DAZAP1: variants seen among roughly 807,000 people sequenced by gnomAD.
DAZAP1 encodes DAZ-associated protein 1.
DAZAP1 carries 6 observed loss-of-function variants against 60.1 expected under a neutral mutation model. The observed-to-expected ratio is 0.10, with a 90% CI of 0.05 to 0.20. The LOEUF is 0.20. DAZAP1 is among the 10% of genes least tolerant of loss of function. The pLI is 1.00. For synonymous variants in DAZAP1, 235 were observed against 215.9 expected (o/e 1.09, Z -0.78); for missense variants, 366 against 560.4 (o/e 0.65, Z 3.50).
Position 1,432,867 on chromosome 19 carries a change from A to G in DAZAP1, c.1048+177A>G, listed in dbSNP as rs961669970. The G allele has an allele frequency of 3.1e-6, 2 of 652,328 alleles. No homozygotes were observed. 40.4% of individuals were successfully genotyped at this position (652,328 alleles called of 1,614,324 possible). ...AGAGATCTCGTGGCAACTCGGGTCCAGCAGAAGGGAGCGTGGGAGTCTTGT... is the reference window on the plus strand; with the variant it reads ...AGAGATCTCGTGGCAACTCGGGTCCGGCAGAAGGGAGCGTGGGAGTCTTGT... On this transcript the variant is annotated intron_variant, in intron 11 of 11. Transcript: ENST00000233078. The surrounding 1 kb of genome is among the most constrained non-coding windows in gnomAD (Gnocchi z 4.9).
In DAZAP1 at chr19:1,432,858, C is replaced by T; in HGVS notation, c.1048+168C>T. 1 of 721,822 alleles carries T rather than the reference C, an allele frequency of 1.4e-6. No individual in the cohort carries two copies. 44.7% of individuals were successfully genotyped at this position (721,822 alleles called of 1,614,324 possible). The stretch of plus-strand genomic sequence containing the variant: ...GGTTGTTGGAGAGATCTCGTGGCAA[C>T]TCGGGTCCAGCAGAAGGGAGCGTGG... On this transcript the variant is annotated intron_variant, in intron 11 of 11. Transcript: ENST00000233078. The surrounding 1 kb of genome is among the most constrained non-coding windows in gnomAD (Gnocchi z 4.9).
Position 1,432,979 on chromosome 19 carries a change from C to T in DAZAP1, c.1048+289C>T, listed in dbSNP as rs148944906. ...GGCGACTGGGTCGAGGGAAGTGAGT[C>T]GCAGGCAGCTGTGATCACTGTCTAG... On this transcript the variant is annotated intron_variant, in intron 11 of 11. Transcript: ENST00000233078. This position sits in a 1 kb window ranked among gnomAD's most constrained non-coding sequence, Gnocchi z 4.9. 8.9e-3 allele frequency: 3,686 copies of T among 414,586 alleles called. 23 individuals carry two copies. The highest frequency in any genetic ancestry group is 0.013 in the Non-Finnish European group (2,987 of 229,490). 25.7% of individuals were successfully genotyped at this position (414,586 alleles called of 1,614,324 possible).
rs548936892 is a variant in DAZAP1, at chr19:1,422,059, A to G, written c.415-289A>G. On this transcript the variant is annotated intron_variant, in intron 5 of 11. Coordinates refer to ENST00000233078, the MANE Select transcript of DAZAP1 (RefSeq NM_018959.4). This position sits in a 1 kb window ranked among gnomAD's most constrained non-coding sequence, Gnocchi z 4.5. Reference sequence around the variant, plus strand: ...GCGTGGTCGGCGTTGTTGGCCCTTCATGTCCGTCAGCACACACGTGAGCGG... The same window carrying G: ...GCGTGGTCGGCGTTGTTGGCCCTTCGTGTCCGTCAGCACACACGTGAGCGG... Among the ~76,000 whole-genome samples, 6 of 152,178 alleles carry G rather than the reference A, an allele frequency of 3.9e-5. No homozygotes were observed. The East Asian group carries it at 1.2e-3, about 29-fold the overall frequency.
In DAZAP1 at chr19:1,418,289, C is replaced by A; in HGVS notation, c.156C>A (p.Gly52=). The A allele has an allele frequency of 6.2e-7, 1 of 1,614,188 alleles. No individual in the cohort carries two copies. Among genetic ancestry groups the A allele is most frequent in the Non-Finnish European group, 8.5e-7 (1 of 1,180,028 alleles). ...MKDKTTNQSR[G]FGFVKFKDPN... is the part of the protein sequence containing the mutation. ...ATAAAACCACCAACCAGTCTCGAGG[C>A]TTTGGGTTTGTCAAATTTAAAGACC... Residue 52 remains glycine (G), a synonymous_variant, in exon 3 of 12, where the codon GGC becomes GGA. Transcript: ENST00000233078. This position sits in a 1 kb window ranked among gnomAD's most constrained non-coding sequence, Gnocchi z 5.7.
At chr19:1,412,589 G>A (rs1268206993) in intron 1 of DAZAP1, among the ~76,000 whole-genome samples, 3 of 152,222 alleles carry the variant, frequency 2.0e-5, no homozygotes, top group African/African-American at 7.2e-5. Context: ...GCTGGCCGCC[G>A]GTTTTTGAAG....
chr19:1,427,608 C>G (rs2083338791), intron 7 of DAZAP1: 2 of 152,188 alleles, frequency 1.3e-5, no homozygotes, highest in African/African-American at 4.8e-5. Flanking sequence ...TTTTAAAGTA[C>G]AAGGACCGCT....
At chr19:1,429,114 G>A (rs1163310321) in intron 8 of DAZAP1, 119 bp downstream of exon 8, 27 of 1,282,940 alleles carry the variant, frequency 2.1e-5, no homozygotes, top group Non-Finnish European at 2.4e-5. Context: ...CAGAGCCGCG[G>A]TTCACAGTGT....
intron 5 of DAZAP1, among the ~76,000 whole-genome samples, chr19:1,421,940 C>G (rs1327148591): frequency 6.6e-6 from 1 of 152,206 alleles, no homozygotes. Context: ...TGCCCCGCCA[C>G]TTCGAGTGAG....
Position 1,435,314 on chromosome 19 carries a change from T to C in DAZAP1, c.*402T>C, listed in dbSNP as rs545355315. 106 of 153,156 alleles carry C rather than the reference T, an allele frequency of 6.9e-4. No homozygotes were observed. Among genetic ancestry groups the C allele is most frequent in the Non-Finnish European group, 1.4e-3 (95 of 68,456 alleles). The allele number at this position is 153,156 out of a possible 1,614,324, so 9.5% of individuals were successfully genotyped here. A position where few individuals can be genotyped will look rare whatever the true frequency, so the allele number is the denominator to read the frequency against. On this transcript the variant is annotated 3_prime_UTR_variant, in exon 12 of 12. Transcript: ENST00000233078. ...GATTTTTAAGAGAAATTTTCTACGATGTATACTGGCTTATTTTTTAATTTA... is the reference window on the plus strand; with the variant it reads ...GATTTTTAAGAGAAATTTTCTACGACGTATACTGGCTTATTTTTTAATTTA...
intron 1 of DAZAP1, among the ~76,000 whole-genome samples, chr19:1,412,395 G>A (rs2082856586): frequency 6.6e-6 from 1 of 152,196 alleles, no homozygotes; most frequent in Admixed American, 6.5e-5. Context: ...CACATCAGCC[G>A]CCACTGGGCC....
rs1471614571 is a variant in DAZAP1, at chr19:1,428,285, G to C, written c.547-557G>C. ...ATCCATTCCCTCTGACATTAGTTTT[G>C]AGTTAATTGAGATTCTTTAAGCGTT... On this transcript the variant is annotated intron_variant, in intron 7 of 11. Coordinates refer to ENST00000233078, the MANE Select transcript of DAZAP1 (RefSeq NM_018959.4). This position sits in a 1 kb window ranked among gnomAD's most constrained non-coding sequence, Gnocchi z 4.0. 1.3e-5 allele frequency: 2 copies of C among 152,356 alleles called. No individual in the cohort carries two copies. The highest frequency in any genetic ancestry group is 2.9e-5 in the Non-Finnish European group (2 of 68,170). 9.4% of individuals were successfully genotyped at this position (152,356 alleles called of 1,614,324 possible). A position where few individuals can be genotyped will look rare whatever the true frequency, so the allele number is the denominator to read the frequency against.
At position 1,433,673 on chromosome 19, in the gene DAZAP1, G is replaced by A. The variant is rs563811189; in HGVS notation, c.1048+983G>A. On this transcript the variant is annotated intron_variant, in intron 11 of 11. Coordinates refer to ENST00000233078, the MANE Select transcript of DAZAP1 (RefSeq NM_018959.4). This position sits in a 1 kb window ranked among gnomAD's most constrained non-coding sequence, Gnocchi z 6.1. ...GTGAGGCGCCCGGTTGGGGCGTGGC[G>A]TGTGTCAGCCGCTGCTCTTGGTGGC... 1,489 of 1,349,784 alleles carry A rather than the reference G, an allele frequency of 1.1e-3. 30 individuals carry two copies. In the South Asian group the frequency reaches 0.015, roughly 14 times the overall value. The allele number at this position is 1,349,784 out of a possible 1,614,324, so 83.6% of individuals were successfully genotyped here. A position where few individuals can be genotyped will look rare whatever the true frequency, so the allele number is the denominator to read the frequency against.
chr19:1,412,019 T>C (rs2144710373), intron 1 of DAZAP1, among the ~76,000 whole-genome samples: 1 of 152,352 alleles, frequency 6.6e-6, no homozygotes, highest in South Asian at 2.1e-4. Flanking sequence ...AGCTTCCAGC[T>C]TGGCTCCAGG....
In DAZAP1 at chr19:1,434,559, G is replaced by A; in HGVS notation, c.1049-178G>A. The A allele has an allele frequency of 1.7e-6, 1 of 591,696 alleles. No homozygotes were observed. The highest frequency in any genetic ancestry group is 3.0e-6 in the Non-Finnish European group (1 of 336,584). 36.7% of individuals were successfully genotyped at this position (591,696 alleles called of 1,614,324 possible). ...CCTGCTCACATGTTTTTGAGGGAGAGAACATGCCCGGGGTCCTCTCCCCGG... is the reference window on the plus strand; with the variant it reads ...CCTGCTCACATGTTTTTGAGGGAGAAAACATGCCCGGGGTCCTCTCCCCGG... On this transcript the variant is annotated intron_variant, in intron 11 of 11. Transcript: ENST00000233078. The surrounding 1 kb of genome is among the most constrained non-coding windows in gnomAD (Gnocchi z 8.0).
intron 10 of DAZAP1, among the ~76,000 whole-genome samples, chr19:1,431,273 C>T (rs1045826454): frequency 5.9e-5 from 9 of 151,538 alleles, no homozygotes; most frequent in African/African-American, 9.7e-5. Context: ...GGACTACAGG[C>T]GCCCACCACC....
chr19:1,415,579 G>C (rs934727778), intron 1 of DAZAP1, among the ~76,000 whole-genome samples: 1 of 151,684 alleles, frequency 6.6e-6, no homozygotes, highest in Non-Finnish European at 1.5e-5. Flanking sequence ...CCCTGACTCA[G>C]CGCGGGCACA....
chr19:1,413,919 C>T (rs1439059980), intron 1 of DAZAP1, among the ~76,000 whole-genome samples: 1 of 152,104 alleles, frequency 6.6e-6, no homozygotes, highest in Non-Finnish European at 1.5e-5. Flanking sequence ...CCTCTTGGCC[C>T]TGCCAGACTC....
In DAZAP1 at chr19:1,434,876, C is replaced by T. The variant is rs749676213; in HGVS notation, c.1188C>T (p.Asn396=). 1.9e-6 allele frequency: 3 copies of T among 1,588,180 alleles called. No individual in the cohort carries two copies. Among genetic ancestry groups the T allele is most frequent in the East Asian group, 4.6e-5 (2 of 43,786 alleles). ...GCAGCGGCTTTGGACGAGGGCAGAA[C>T]CACAACGTGCAAGGGTTCCACCCCT... The part of the protein sequence containing the change: ...AGGSGFGRGQ[N]HNVQGFHPYR... Residue 396 remains asparagine, a synonymous_variant, in exon 12 of 12, where the codon AAC becomes AAT. Coordinates refer to ENST00000233078, the MANE Select transcript of DAZAP1 (RefSeq NM_018959.4). The surrounding 1 kb of genome is among the most constrained non-coding windows in gnomAD (Gnocchi z 8.0).
At chr19:1,408,707 C>A (rs926921547) in intron 1 of DAZAP1, among the ~76,000 whole-genome samples, 1 of 152,230 alleles carries the variant, frequency 6.6e-6, no homozygotes, top group Non-Finnish European at 1.5e-5. Flanking sequence ...GCCCGCGGAT[C>A]TTTGCTGCGC....
Sources: gnomAD v4.1 joint callset for allele counts (sites outside exome capture counted in the v4.1 genomes callset) on GRCh38, gnomAD v4.1.1 for gene constraint, Gnocchi (gnomAD v3.1) non-coding constraint, MANE v1.5 for transcripts, NCBI Gene and HGNC (gene_info 2026-07-23, HGNC 2026-07-21) for gene names.